The following PDGFD variants were observed in gnomAD, a reference collection of about 807,000 sequenced individuals.
PDGFD encodes platelet-derived growth factor D.
In PDGFD, 30 loss-of-function variants were observed where a neutral mutation model predicts 44.7. The ratio of observed to expected loss-of-function variants is 0.67; its 90% CI spans 0.50 to 0.91. The LOEUF (loss-of-function observed/expected upper bound fraction) is 0.91, where lower values mean the gene tolerates loss of function less well. PDGFD is among the 40% of genes least tolerant of loss of function. PDGFD has a pLI of 0.00. For missense variants in PDGFD, 445 were observed against 457.8 expected, an observed-to-expected ratio of 0.97 and a Z score of 0.25; for synonymous variants, 173 against 168.4, an observed-to-expected ratio of 1.03 and a Z score of -0.21.
intron 1 of PDGFD, among the ~76,000 whole-genome samples, chr11:104,154,410 A>G (rs1312426353): frequency 6.6e-6 from 1 of 152,176 alleles, no homozygotes; most frequent in Non-Finnish European, 1.5e-5. Context: ...CGTCAAGGCA[A>G]AGGAAGAGAA....
chr11:104,154,050 A>G (rs1862276324), intron 1 of PDGFD, among the ~76,000 whole-genome samples: 1 of 152,200 alleles, frequency 6.6e-6, no homozygotes, highest in Non-Finnish European at 1.5e-5. Flanking sequence ...TCAATGTCAT[A>G]TTTTATAGTG....
At chr11:103,932,807 G>C (rs190281975) in intron 5 of PDGFD, among the ~76,000 whole-genome samples, 2 of 152,272 alleles carry the variant, frequency 1.3e-5, no homozygotes, top group East Asian at 3.9e-4. Flanking sequence ...TCACAAAGGT[G>C]AAACAATTCC....
At chr11:104,037,679 G>A in intron 1 of PDGFD, 2 of 1,614,142 alleles carry the variant, frequency 1.2e-6, no homozygotes, top group Non-Finnish European at 1.7e-6. Context: ...GACCGACGGT[G>A]GGCTGGGGTT....
At chr11:104,130,763 T>C (rs1279068739) in intron 1 of PDGFD, among the ~76,000 whole-genome samples, 6 of 152,158 alleles carry the variant, frequency 3.9e-5, no homozygotes, top group African/African-American at 1.4e-4. Flanking sequence ...CTGTCTAAAG[T>C]TCCTCCCCTC....
At chr11:103,964,727 G>T (rs1858988634) in intron 3 of PDGFD, among the ~76,000 whole-genome samples, 1 of 151,988 alleles carries the variant, frequency 6.6e-6, no homozygotes, top group South Asian at 2.1e-4. Context: ...AGGTGCACAG[G>T]GAGCAGGTGA....
At chr11:104,104,760 G>A (rs1861448824) in intron 1 of PDGFD, among the ~76,000 whole-genome samples, 1 of 152,024 alleles carries the variant, frequency 6.6e-6, no homozygotes, top group Non-Finnish European at 1.5e-5. Context: ...ATTGTTGAGT[G>A]ATTCATGATT....
At chr11:103,942,101 T>C (rs1053389742) in intron 5 of PDGFD, among the ~76,000 whole-genome samples, 2 of 152,130 alleles carry the variant, frequency 1.3e-5, no homozygotes, top group Admixed American at 6.6e-5. Flanking sequence ...AGGAGTTAAC[T>C]AATTAGTCAT....
At chr11:104,079,612 C>T (rs191166347) in intron 1 of PDGFD, among the ~76,000 whole-genome samples, 58 of 152,284 alleles carry the variant, frequency 3.8e-4, no homozygotes, top group South Asian at 1.0e-3. Flanking sequence ...TGGTCTCAAA[C>T]TCCCGACCTC....
chr11:104,051,605 A>G (rs939868922), intron 1 of PDGFD, among the ~76,000 whole-genome samples: 2 of 152,142 alleles, frequency 1.3e-5, no homozygotes, highest in African/African-American at 4.8e-5. Context: ...TAATACAGAC[A>G]GATGGGTAAA....
chr11:104,120,232 C>G (rs1291761748), intron 1 of PDGFD, among the ~76,000 whole-genome samples: 1 of 151,562 alleles, frequency 6.6e-6, no homozygotes, highest in Non-Finnish European at 1.5e-5. Flanking sequence ...CAAAGGCTTT[C>G]ATTACTTGAT....
intron 3 of PDGFD, among the ~76,000 whole-genome samples, chr11:103,967,749 C>T (rs768888985): frequency 1.3e-5 from 2 of 152,190 alleles, no homozygotes; most frequent in African/African-American, 2.4e-5. Flanking sequence ...ACTGTGTTGC[C>T]TTTCTTCCAC....
chr11:104,157,988 G>T (rs1450801622), intron 1 of PDGFD, among the ~76,000 whole-genome samples: 2 of 152,022 alleles, frequency 1.3e-5, no homozygotes, highest in South Asian at 2.1e-4. Context: ...AACACATAAG[G>T]CTTCAAATCA....
chr11:104,162,587 C>T (rs772175547), intron 1 of PDGFD, among the ~76,000 whole-genome samples: 31 of 151,172 alleles, frequency 2.1e-4, no homozygotes, highest in Non-Finnish European at 3.5e-4. Context: ...TCCCCTGCTA[C>T]AAATCTACAC....
rs989519284 is a variant in PDGFD at position 103,907,855 on chromosome 11, G to C, written c.*1839C>G. On this transcript the variant is annotated 3_prime_UTR_variant, in exon 7 of 7. Coordinates refer to ENST00000393158, the MANE Select transcript of PDGFD (RefSeq NM_025208.5). ...TTTCTGATTGTGTTCTGGGATTTTA[G>C]AGAATTGAACAATAGAGTATTTAAT... 16 of 152,044 alleles carry C rather than the reference G, an allele frequency of 1.1e-4. No individual in the cohort carries two copies. The highest frequency in any genetic ancestry group is 3.9e-4 in the African/African-American group (16 of 41,482). The allele number at this position is 152,044 out of a possible 1,614,324, so 9.4% of individuals were successfully genotyped here.
intron 1 of PDGFD, among the ~76,000 whole-genome samples, chr11:104,054,986 T>A (rs1022812231): frequency 1.3e-5 from 2 of 152,190 alleles, no homozygotes; most frequent in Non-Finnish European, 2.9e-5. Context: ...TTAGAACACA[T>A]TATGCAAGTA....
intron 1 of PDGFD, among the ~76,000 whole-genome samples, chr11:104,035,205 C>G (rs1191011787): frequency 1.3e-5 from 2 of 152,198 alleles, no homozygotes; most frequent in Non-Finnish European, 2.9e-5. Flanking sequence ...CTCATTCATT[C>G]ATTCCCCTTC....
intron 5 of PDGFD, among the ~76,000 whole-genome samples, chr11:103,938,355 TTGAGAA>T (rs1048991860): frequency 5.4e-4 from 82 of 152,366 alleles, no homozygotes; most frequent in African/African-American, 1.9e-3. Flanking sequence ...ATGCCTTCTT[TTGAGAA>T]GTGTCTGTTC....
chr11:104,040,934 A>T (rs1240466094), intron 1 of PDGFD, among the ~76,000 whole-genome samples: 1 of 152,022 alleles, frequency 6.6e-6, no homozygotes, highest in Non-Finnish European at 1.5e-5. Flanking sequence ...TCTGAAACAC[A>T]ATTTACAAAA....
chr11:104,051,199 A>G (rs978332052), intron 1 of PDGFD, among the ~76,000 whole-genome samples: 1 of 152,204 alleles, frequency 6.6e-6, no homozygotes, highest in Non-Finnish European at 1.5e-5. Flanking sequence ...AGTAGCAAAG[A>G]AAGTTTGGTA....
Sources: allele counts gnomAD v4.1 joint callset (sites outside exome capture counted in the v4.1 genomes callset), GRCh38; gene constraint gnomAD v4.1.1; transcripts MANE v1.5; gene names NCBI Gene and HGNC (gene_info 2026-07-23, HGNC 2026-07-21).